Variants in LRMDA observed in about 807,000 individuals in gnomAD.
LRMDA encodes the protein leucine-rich melanocyte differentiation-associated protein.
A neutral mutation model predicts 29.8 loss-of-function variants in LRMDA; 18 were observed. The observed-to-expected ratio is 0.60, with a 90% CI of 0.42 to 0.90. LRMDA has a LOEUF of 0.90. LRMDA is among the 40% of genes least tolerant of loss of function. The probability of loss-of-function intolerance (pLI) is 0.00; values close to 1 mark genes in which losing one functional copy is unlikely to be tolerated. For missense variants in LRMDA, 273 were observed against 273.9 expected (o/e 1.00, Z 0.02); for synonymous variants, 125 against 109.4 (o/e 1.14, Z -0.89).
chr10:76,343,535 C>CA (rs1290400019), intron 6 of LRMDA, among the ~76,000 whole-genome samples: 3 of 151,878 alleles, frequency 2.0e-5, no homozygotes, highest in Non-Finnish European at 4.4e-5. Context: ...ATATGGATGC[C>CA]AAAAAGGCTT....
intron 2 of LRMDA, among the ~76,000 whole-genome samples, chr10:75,720,496 T>A (rs1406678953): frequency 6.6e-6 from 1 of 152,230 alleles, no homozygotes; most frequent in Non-Finnish European, 1.5e-5. Context: ...TTTGTTTTCC[T>A]GTGCCCATTC....
chr10:75,661,336 G>T (rs1173996792), intron 2 of LRMDA, among the ~76,000 whole-genome samples: 1 of 152,220 alleles, frequency 6.6e-6, no homozygotes, highest in South Asian at 2.1e-4. Flanking sequence ...TTCTTGCCGT[G>T]AGTGGGAGTT....
chr10:76,029,344 C>T (rs1848112573), intron 2 of LRMDA, among the ~76,000 whole-genome samples: 1 of 152,006 alleles, frequency 6.6e-6, no homozygotes, highest in Admixed American at 6.5e-5. Flanking sequence ...AATACCAAGG[C>T]TATGAAAAAA....
At chr10:75,714,486 G>A (rs1262716494) in intron 2 of LRMDA, among the ~76,000 whole-genome samples, 2 of 152,174 alleles carry the variant, frequency 1.3e-5, no homozygotes, top group African/African-American at 4.8e-5. Context: ...ATTTTGACAA[G>A]TGGTAGAATT....
At chr10:76,065,937 T>C (rs1426559912) in intron 5 of LRMDA, among the ~76,000 whole-genome samples, 1 of 152,216 alleles carries the variant, frequency 6.6e-6, no homozygotes, top group African/African-American at 2.4e-5. Flanking sequence ...GAAAACAACA[T>C]GAGAGACACC....
At chr10:75,442,510 C>T (rs570629170) in intron 2 of LRMDA, among the ~76,000 whole-genome samples, 1 of 152,196 alleles carries the variant, frequency 6.6e-6, no homozygotes, top group African/African-American at 2.4e-5. Context: ...ATTGAAGAGA[C>T]TGTTCTTTCC....
chr10:76,463,810 A>G (rs1243372667), intron 6 of LRMDA, among the ~76,000 whole-genome samples: 1 of 152,102 alleles, frequency 6.6e-6, no homozygotes, highest in African/African-American at 2.4e-5. Flanking sequence ...GTATCTCCCC[A>G]AATAGGATGT....
intron 5 of LRMDA, among the ~76,000 whole-genome samples, chr10:76,101,452 T>C (rs1849393038): frequency 6.6e-6 from 1 of 152,206 alleles, no homozygotes; most frequent in South Asian, 2.1e-4. Flanking sequence ...TAAAAAATTT[T>C]ATTGCCAGGC....
intron 6 of LRMDA, among the ~76,000 whole-genome samples, chr10:76,507,100 A>G (rs1842966604): frequency 6.6e-6 from 1 of 152,036 alleles, no homozygotes; most frequent in South Asian, 2.1e-4. Flanking sequence ...CTTTACCAGC[A>G]TCTGTTATTT....
chr10:76,136,712 A>T lies in LRMDA; in HGVS notation c.516+77929A>T, dbSNP rs111797138. On this transcript the variant is annotated intron_variant, in intron 5 of 6. Transcript: ENST00000611255. ...TAAGATGTTTATTTGTATAAAATAG[A>T]TGAGCACTTTTTGTTCTTAAACTTT... Among the ~76,000 whole-genome samples the T allele has an allele frequency of 3.3e-5, 5 of 152,336 alleles. 1 individual carries two copies. Among genetic ancestry groups the T allele is most frequent in the African/African-American group, 1.2e-4 (5 of 41,594 alleles).
intron 2 of LRMDA, among the ~76,000 whole-genome samples, chr10:75,461,523 C>T (rs1159257923): frequency 6.6e-6 from 1 of 152,148 alleles, no homozygotes; most frequent in African/African-American, 2.4e-5. Flanking sequence ...TGGGGGTAGC[C>T]TGTCCTGAAT....
chr10:76,441,863 C>A (rs542826630), intron 6 of LRMDA, among the ~76,000 whole-genome samples: 2 of 152,156 alleles, frequency 1.3e-5, no homozygotes, highest in Non-Finnish European at 1.5e-5. Flanking sequence ...CCTAGGCTAA[C>A]CTGCAAAAGC....
At chr10:76,415,148 G>A (rs1842001521) in intron 6 of LRMDA, among the ~76,000 whole-genome samples, 1 of 152,252 alleles carries the variant, frequency 6.6e-6, no homozygotes, top group African/African-American at 2.4e-5. Flanking sequence ...GATCAGTTGA[G>A]CATGTCTTCA....
chr10:75,615,637 T>A (rs1055809494), intron 2 of LRMDA, among the ~76,000 whole-genome samples: 1 of 152,236 alleles, frequency 6.6e-6, no homozygotes, highest in African/African-American at 2.4e-5. Flanking sequence ...GTACTTATTC[T>A]AATGGAAATA....
In LRMDA at chr10:76,283,560, A is replaced by G. The variant is rs367767787; in HGVS notation, c.517-40841A>G. Among the ~76,000 whole-genome samples the G allele has an allele frequency of 5.7e-4, 87 of 152,312 alleles. 3 individuals are homozygous for G. The East Asian group carries it at 0.012, about 21-fold the overall frequency. ...TCCAGGCTGGGTGGCCAGTGATTGA[A>G]TAATTATAATAATAACATAATAATA... On this transcript the variant is annotated intron_variant, in intron 5 of 6. Transcript: ENST00000611255.
At chr10:76,528,992 G>A (rs994136143) in intron 6 of LRMDA, among the ~76,000 whole-genome samples, 5 of 152,126 alleles carry the variant, frequency 3.3e-5, no homozygotes, top group East Asian at 1.9e-4. Context: ...CTGGGTAGCC[G>A]GCCTTACTTT....
intron 6 of LRMDA, among the ~76,000 whole-genome samples, chr10:76,351,741 T>A (rs1353285381): frequency 1.3e-5 from 2 of 150,822 alleles, no homozygotes; most frequent in Non-Finnish European, 2.9e-5. Context: ...AGATAGGTCT[T>A]ATCAGCATGT....
chr10:76,335,943 A>G (rs1476616093), intron 6 of LRMDA, among the ~76,000 whole-genome samples: 1 of 152,170 alleles, frequency 6.6e-6, no homozygotes, highest in African/African-American at 2.4e-5. Context: ...CCCACCCCCG[A>G]CTTTCCATCA....
rs535587354 is a variant in LRMDA, at chr10:76,483,505, C to T, written c.602-73704C>T. Among the ~76,000 whole-genome samples, 18 of 151,966 alleles carry T rather than the reference C, an allele frequency of 1.2e-4. No homozygotes were observed. The South Asian group carries it at 2.5e-3, about 21-fold the overall frequency. On this transcript the variant is annotated intron_variant, in intron 6 of 6. Coordinates refer to ENST00000611255, the MANE Select transcript of LRMDA (RefSeq NM_001305581.2). Reference sequence around the variant, plus strand: ...TTAGCTAGGTCTTCCAAGCTTCTCACGGATTGCCTAATCTGAATGATCTCC... The same window carrying T: ...TTAGCTAGGTCTTCCAAGCTTCTCATGGATTGCCTAATCTGAATGATCTCC...
Sources: allele counts gnomAD v4.1 joint callset (sites outside exome capture counted in the v4.1 genomes callset), GRCh38; gene constraint gnomAD v4.1.1; transcripts MANE v1.5; gene names NCBI Gene and HGNC (gene_info 2026-07-23, HGNC 2026-07-21).